The following GNL3L variants were observed in gnomAD, a reference collection of about 807,000 sequenced individuals.
GNL3L encodes G protein nucleolar 3 like, also known as guanine nucleotide-binding protein-like 3-like protein.
In GNL3L, 4 loss-of-function variants were observed where a neutral mutation model predicts 42.9. The observed-to-expected ratio is 0.09, with a 90% CI of 0.05 to 0.21. GNL3L has a LOEUF of 0.21. Ranked by LOEUF, GNL3L falls within the 10% of genes least tolerant of loss-of-function variation. The pLI is 1.00. For missense variants in GNL3L, 412 were observed against 481.7 expected (o/e 0.86, Z 1.36); for synonymous variants, 159 against 176.3 (o/e 0.90, Z 0.78).
At chrX:54,630,444 A>G in the GNL3L span, among the ~76,000 whole-genome samples, 1 of 109,773 alleles carries the variant, frequency 9.1e-6, no homozygotes, top group South Asian at 4.0e-4. Flanking sequence ...AGGTTTTGAT[A>G]GGTTGTGTCA....
At chrX:54,567,968 C>A (rs868275798), downstream of GNL3L, among the ~76,000 whole-genome samples, 5 of 95,092 alleles carry the variant, frequency 5.3e-5, no homozygotes, top group Admixed American at 1.2e-4. Context: ...ATGTATTATT[C>A]TTTTTTTTTT....
At chrX:54,600,069 G>T (rs1330839998) in intron 16 of GNL3L, among the ~76,000 whole-genome samples, 1 of 108,859 alleles carries the variant, frequency 9.2e-6, no homozygotes, top group Non-Finnish European at 1.9e-5. Flanking sequence ...TGTTATCTTG[G>T]TGTTAGCATC....
At chrX:54,581,699 G>A (rs1327181203) in intron 16 of GNL3L, among the ~76,000 whole-genome samples, 1 of 112,375 alleles carries the variant, frequency 8.9e-6, no homozygotes, top group African/African-American at 3.2e-5. Context: ...TATAGTTAGA[G>A]TAATTCTTTG....
intron 16 of GNL3L, among the ~76,000 whole-genome samples, chrX:54,605,713 T>C (rs1205815281): frequency 9.0e-6 from 1 of 111,550 alleles, no homozygotes; most frequent in Non-Finnish European, 1.9e-5. Flanking sequence ...CACTTATTTA[T>C]TATTATCCCC....
Position 54,618,224 on chromosome X carries a change from G to T in GNL3L, c.*46-2621G>T, listed in dbSNP as rs745945189. Among the ~76,000 whole-genome samples, 3 of 110,484 alleles carry T rather than the reference G, an allele frequency of 2.7e-5. No individual in the cohort carries two copies. In the South Asian group the frequency reaches 1.2e-3, roughly 43 times the overall value. On this transcript the variant is annotated intron_variant, in intron 16 of 16. Transcript: ENST00000674498. ...GAAGGCCTCCTGATTATCTGCCCCG[G>T]CAGTCTTGCAAGTATCTGAAACTCA... is the stretch of plus-strand genomic sequence containing the variant.
the GNL3L span, among the ~76,000 whole-genome samples, chrX:54,637,089 T>C: frequency 2.7e-5 from 3 of 111,728 alleles, no homozygotes; most frequent in Non-Finnish European, 5.6e-5. Flanking sequence ...AACTTTTCAT[T>C]GTTTTCCAGA....
chrX:54,567,207 T>A lies in GNL3L; in HGVS notation c.*6605T>A, dbSNP rs1271042163. ...GCTAAAGTCACTTAGTTCTAGTAGC[T>A]TTTTTTGCAGATTTAACCAGACTTT... On this transcript the variant is annotated 3_prime_UTR_variant, in exon 16 of 16. Coordinates refer to ENST00000360845, the MANE Select transcript of GNL3L (RefSeq NM_001184819.2). Among the ~76,000 whole-genome samples the A allele has an allele frequency of 8.9e-6, 1 of 112,270 alleles. No homozygotes were observed. The highest frequency in any genetic ancestry group is 9.5e-5 in the Admixed American group (1 of 10,520).
the GNL3L span, among the ~76,000 whole-genome samples, chrX:54,642,499 C>G: frequency 9.0e-6 from 1 of 111,003 alleles, no homozygotes; most frequent in African/African-American, 3.3e-5. Flanking sequence ...TTGTTCTCAC[C>G]TTTGGTCCTT....
At chrX:54,644,817 T>C in the GNL3L span, among the ~76,000 whole-genome samples, 1 of 111,889 alleles carries the variant, frequency 8.9e-6, no homozygotes, top group Non-Finnish European at 1.9e-5. Flanking sequence ...CTATTGACAT[T>C]TTGACCGGGA....
intron 16 of GNL3L, among the ~76,000 whole-genome samples, chrX:54,605,300 C>G (rs1200123432): frequency 1.8e-5 from 2 of 111,995 alleles, no homozygotes; most frequent in Non-Finnish European, 3.8e-5. Flanking sequence ...TTGAACTCTT[C>G]TAAATAAAAG....
intron 7 of GNL3L, among the ~76,000 whole-genome samples, chrX:54,543,561 A>G (rs143773274): frequency 0.014 from 1,533 of 111,718 alleles, 9 homozygotes; most frequent in Non-Finnish European, 0.023. Context: ...TGTTCTTGCC[A>G]TTTTGAGCCT....
intron 16 of GNL3L, among the ~76,000 whole-genome samples, chrX:54,572,700 CCTCCCGGACAGGGTAG>C (rs1371264535): frequency 9.0e-6 from 1 of 110,561 alleles, no homozygotes; most frequent in East Asian, 2.9e-4. Context: ...CCCCCACCTC[CCTCCCGGACAGGGTAG>C]CTGCCGGGCG....
intron 16 of GNL3L, among the ~76,000 whole-genome samples, chrX:54,612,687 T>G (rs1034056832): frequency 9.0e-6 from 1 of 111,340 alleles, no homozygotes; most frequent in African/African-American, 3.3e-5. Context: ...TCATATATGA[T>G]GCTTAGTTTT....
At chrX:54,617,154 C>T (rs771416464) in intron 16 of GNL3L, among the ~76,000 whole-genome samples, 8 of 111,853 alleles carry the variant, frequency 7.2e-5, no homozygotes, top group Admixed American at 2.8e-4. Context: ...ATCCCATCCT[C>T]TTCTGTTTCT....
intron 2 of GNL3L, among the ~76,000 whole-genome samples, chrX:54,538,218 T>C (rs1924502932): frequency 9.0e-6 from 1 of 111,018 alleles, no homozygotes; most frequent in Non-Finnish European, 1.9e-5. Context: ...CAGTAGAACT[T>C]AAGTTCTGTT....
chrX:54,580,496 A>C (rs375916261), intron 16 of GNL3L, among the ~76,000 whole-genome samples: 1 of 110,729 alleles, frequency 9.0e-6, no homozygotes, highest in Admixed American at 9.6e-5. Context: ...ATGATTTATA[A>C]TCCTTTGGGT....
chrX:54,567,912 T>C (rs914616181), downstream of GNL3L, among the ~76,000 whole-genome samples: 12 of 111,229 alleles, frequency 1.1e-4, no homozygotes, highest in Admixed American at 9.6e-5. Flanking sequence ...GATTTTCTTA[T>C]GATAAACCAA....
At chrX:54,595,895 C>G (rs1342280473) in intron 16 of GNL3L, among the ~76,000 whole-genome samples, 1 of 112,231 alleles carries the variant, frequency 8.9e-6, no homozygotes, top group Non-Finnish European at 1.9e-5. Context: ...CTATGTCAAT[C>G]TCTTTGTTAA....
At chrX:54,540,799 A>G (rs1470935704) in intron 4 of GNL3L, among the ~76,000 whole-genome samples, 2 of 111,008 alleles carry the variant, frequency 1.8e-5, no homozygotes, top group African/African-American at 3.3e-5. Context: ...CTGGGATTAC[A>G]GGCATGCACC....
Sources: gnomAD v4.1 joint callset for allele counts (sites outside exome capture counted in the v4.1 genomes callset) on GRCh38, gnomAD v4.1.1 for gene constraint, MANE v1.5 for transcripts, NCBI Gene and HGNC (gene_info 2026-07-23, HGNC 2026-07-21) for gene names.